PCDHGA3: variants seen among roughly 807,000 people sequenced by gnomAD.
The protein encoded by PCDHGA3 is protocadherin gamma subfamily A, 3.
PCDHGA3 carries 40 observed loss-of-function variants against 58.5 expected under a neutral mutation model. That is an observed-to-expected ratio of 0.68 (90% CI 0.53 to 0.89). The LOEUF (loss-of-function observed/expected upper bound fraction) is 0.89, where lower values mean the gene tolerates loss of function less well. Ranked by LOEUF, PCDHGA3 falls within the 40% of genes least tolerant of loss-of-function variation. The probability of loss-of-function intolerance (pLI) is 0.00; values close to 1 mark genes in which losing one functional copy is unlikely to be tolerated. For synonymous variants in PCDHGA3, 530 were observed against 525.7 expected (o/e 1.01, Z -0.11); for missense variants, 1,223 against 1,195.9 (o/e 1.02, Z -0.33).
chr5:141,488,846 C>T (rs1359759383), intron 1 of PCDHGA3, among the ~76,000 whole-genome samples: 1 of 152,174 alleles, frequency 6.6e-6, no homozygotes, highest in African/African-American at 2.4e-5. Flanking sequence ...GCTGAATCAA[C>T]CTGCAGCACG....
At position 141,491,587 on chromosome 5, in the gene PCDHGA3, G is replaced by A. The variant is rs1177701526; in HGVS notation, c.2425-3220G>A. 1.2e-6 allele frequency: 2 copies of A among 1,613,834 alleles called. No individual in the cohort carries two copies. Among genetic ancestry groups the A allele is most frequent in the African/African-American group, 2.7e-5 (2 of 74,926 alleles). On this transcript the variant is annotated intron_variant, in intron 1 of 3. Coordinates refer to ENST00000253812, the MANE Select transcript of PCDHGA3 (RefSeq NM_018916.4). The surrounding 1 kb of genome is among the most constrained non-coding windows in gnomAD (Gnocchi z 6.9). ...CAGGACGTGCTTTTCACCGGCCTCG[G>A]ACGGCAGTGACTTCACTTTTCTAAG...
rs771298166 is a variant in PCDHGA3 at position 141,345,041 on chromosome 5, G to C, written c.1008G>C (p.Thr336=). Residue 336 remains threonine (T), a synonymous_variant, in exon 1 of 4, where the codon ACG becomes ACC. Transcript: ENST00000253812. ...TTTCAAGAGCCAAGATTCTAGTCAC[G>C]GTTCTGGATGTGAATGACAATGCTC... ...GLLSRAKILV[T]VLDVNDNAPE... 5.0e-6 allele frequency: 8 copies of C among 1,613,824 alleles called. No homozygotes were observed. The African/African-American group carries it at 5.3e-5, about 11-fold the overall frequency.
chr5:141,360,495 A>G, intron 1 of PCDHGA3: 1 of 1,613,988 alleles, frequency 6.2e-7, no homozygotes, highest in Non-Finnish European at 8.5e-7. Context: ...TCTACATAGC[A>G]GTAATTGTGC....
At chr5:141,350,787 C>G in intron 1 of PCDHGA3, 3 of 1,613,992 alleles carry the variant, frequency 1.9e-6, no homozygotes, top group East Asian at 2.2e-5. Context: ...CAATACTTCT[C>G]TCTGTCAACG....
intron 1 of PCDHGA3, chr5:141,351,348 C>T (rs200422536): frequency 1.2e-6 from 2 of 1,613,314 alleles, no homozygotes; most frequent in East Asian, 2.2e-5. Context: ...ACTGTAATAG[C>T]CCTCATAAAA....
intron 1 of PCDHGA3, chr5:141,360,189 G>C: frequency 6.2e-7 from 1 of 1,611,554 alleles, no homozygotes; most frequent in Non-Finnish European, 8.5e-7. Flanking sequence ...AGGTACTGTT[G>C]CCCTTCCTGT....
At chr5:141,351,040 G>C in intron 1 of PCDHGA3, 1 of 1,614,076 alleles carries the variant, frequency 6.2e-7, no homozygotes, top group Admixed American at 1.7e-5. Flanking sequence ...CCGTGCTGCG[G>C]GTGATGGCCA....
At chr5:141,371,745 G>C (rs767038146) in intron 1 of PCDHGA3, 1 of 1,614,002 alleles carries the variant, frequency 6.2e-7, no homozygotes, top group Non-Finnish European at 8.5e-7. Context: ...CAACGTTCCC[G>C]TTTTCCACCA....
At position 141,345,472 on chromosome 5, in the gene PCDHGA3, A is replaced by G. The variant is rs1398174017; in HGVS notation, c.1439A>G (p.Asp480Gly). The G allele has an allele frequency of 1.9e-6, 3 of 1,613,942 alleles. No individual in the cohort carries two copies. In the Admixed American group the frequency reaches 5.0e-5, roughly 27 times the overall value. Residue 480 changes from aspartate (D) to glycine (G), a missense_variant, in exon 1 of 4, where the codon GAT (aspartate) becomes GGT (glycine). By Grantham distance (94) the Asp-to-Gly change is moderately conservative. This residue lies in a region of PCDHGA3 where 791 missense variants were observed against 708.5 expected (regional missense o/e 1.12). Transcript: ENST00000253812. The part of the protein sequence containing the change: ...SIFSVTAQDP[D>G]SNNNARITYA... ...TTCTCAGTGACAGCCCAGGACCCAG[A>G]TAGCAACAACAACGCCCGCATCACT...
At chr5:141,385,142 C>T (rs1420566063) in intron 1 of PCDHGA3, 2 of 1,614,210 alleles carry the variant, frequency 1.2e-6, no homozygotes, top group Non-Finnish European at 1.7e-6. Flanking sequence ...GGGGTGCAGG[C>T]TTTCCTGCAG....
At chr5:141,409,096 A>T (rs968537361) in intron 1 of PCDHGA3, 8 of 1,613,956 alleles carry the variant, frequency 5.0e-6, no homozygotes, top group African/African-American at 1.3e-5. Flanking sequence ...ATGAGAAAAC[A>T]GGTATGATTA....
chr5:141,346,115 G>T lies in PCDHGA3; in HGVS notation c.2082G>T (p.Val694=). ...PNDSDLTLYL[V]VAVAAVSCVF... ...ATTCGGACCTCACTCTGTACCTGGTGGTGGCGGTGGCCGCGGTCTCCTGCG... is the reference window on the plus strand; with the variant it reads ...ATTCGGACCTCACTCTGTACCTGGTTGTGGCGGTGGCCGCGGTCTCCTGCG... The change falls in exon 1 of 4, where the codon GTG becomes GTT. Residue 694 remains valine, a synonymous_variant. Transcript: ENST00000253812. 1 of 1,613,926 alleles carries T rather than the reference G, an allele frequency of 6.2e-7. No individual in the cohort carries two copies. Among genetic ancestry groups the T allele is most frequent in the Non-Finnish European group, 8.5e-7 (1 of 1,179,892 alleles).
chr5:141,413,832 C>T, intron 1 of PCDHGA3: 1 of 1,613,228 alleles, frequency 6.2e-7, no homozygotes. Context: ...TCACCGCCTC[C>T]GACGGGGGTG....
At chr5:141,480,625 G>A (rs1041569361) in intron 1 of PCDHGA3, among the ~76,000 whole-genome samples, 2 of 152,070 alleles carry the variant, frequency 1.3e-5, no homozygotes, top group Non-Finnish European at 2.9e-5. Flanking sequence ...ATTTTCCCTA[G>A]AACAATGTTT....
At chr5:141,467,987 A>G (rs888811899) in intron 1 of PCDHGA3, among the ~76,000 whole-genome samples, 10 of 152,216 alleles carry the variant, frequency 6.6e-5, no homozygotes, top group Non-Finnish European at 8.8e-5. Flanking sequence ...TCAGAAAACC[A>G]CAATTCTTTC....
At chr5:141,400,860 A>G (rs77207205) in intron 1 of PCDHGA3, among the ~76,000 whole-genome samples, 6,447 of 152,342 alleles carry the variant, frequency 0.042, 220 homozygotes, top group African/African-American at 0.092. Flanking sequence ...TATTGTATGT[A>G]GATAAACCAT....
intron 1 of PCDHGA3, among the ~76,000 whole-genome samples, chr5:141,482,326 G>T (rs982211258): frequency 6.6e-6 from 1 of 152,072 alleles, no homozygotes. Context: ...AAAATAAAGA[G>T]AATATCTACT....
At chr5:141,483,064 A>G (rs1245942485) in intron 1 of PCDHGA3, among the ~76,000 whole-genome samples, 2 of 152,142 alleles carry the variant, frequency 1.3e-5, no homozygotes, top group Non-Finnish European at 2.9e-5. Context: ...CAGCATGGGC[A>G]ACAGAGAGAG....
At chr5:141,440,822 A>T (rs1561900737) in intron 1 of PCDHGA3, 2 of 152,058 alleles carry the variant, frequency 1.3e-5, no homozygotes, top group Non-Finnish European at 2.9e-5. Context: ...TCAACTCCTG[A>T]TCCTATTGGT....
Sources: allele counts gnomAD v4.1 joint callset (sites outside exome capture counted in the v4.1 genomes callset), GRCh38; gene constraint gnomAD v4.1.1; regional missense constraint gnomAD v4.1.1; non-coding constraint Gnocchi (gnomAD v3.1); transcripts MANE v1.5; gene names NCBI Gene and HGNC (gene_info 2026-07-23, HGNC 2026-07-21).